KLHL22: variants seen among roughly 807,000 people sequenced by gnomAD.
KLHL22 encodes kelch-like protein 22.
A neutral mutation model predicts 60.7 loss-of-function variants in KLHL22; 18 were observed. That is an observed-to-expected ratio of 0.30 (90% CI 0.20 to 0.44). KLHL22 has a LOEUF of 0.44. Among genes scored for constraint, KLHL22 ranks in the 20% least tolerant of loss-of-function variants. The pLI is 1.00. For synonymous variants in KLHL22, 355 were observed against 354.5 expected (o/e 1.00, Z -0.01); for missense variants, 596 against 852.3 (o/e 0.70, Z 3.74).
intron 1 of KLHL22, among the ~76,000 whole-genome samples, chr22:20,490,021 C>T (rs535589631): frequency 6.6e-6 from 1 of 152,286 alleles, no homozygotes; most frequent in Admixed American, 6.5e-5. Flanking sequence ...GTAAAATGAA[C>T]CTACTGCAAA....
At position 20,446,632 on chromosome 22, in the gene KLHL22, G is replaced by T. The variant is rs762616994; in HGVS notation, c.1350C>A (p.Ile450=). The T allele has an allele frequency of 6.2e-7, 1 of 1,613,312 alleles. No homozygotes were observed. The highest frequency in any genetic ancestry group is 1.1e-5 in the South Asian group (1 of 91,086). Residue 450 remains isoleucine, a synonymous_variant, in exon 6 of 7, where the codon ATC becomes ATA. Transcript: ENST00000328879. ...AGATLEGKMY[I]TCGRRGEDYL... is the part of the protein sequence containing the mutation. ...AATCCTCCCCTCTGCGGCCGCAGGTGATATACATCTTCCCCTCCAGCGTCG... is the reference window on the plus strand; with the variant it reads ...AATCCTCCCCTCTGCGGCCGCAGGTTATATACATCTTCCCCTCCAGCGTCG...
At chr22:20,471,214 G>T in intron 3 of KLHL22, 136 bp downstream of exon 3, 2 of 777,800 alleles carry the variant, frequency 2.6e-6, no homozygotes, top group Non-Finnish European at 4.0e-6. Context: ...CCCACTTCAT[G>T]GCCTTCGTCA....
intron 5 of KLHL22, chr22:20,450,369 T>A: frequency 7.1e-7 from 1 of 1,413,772 alleles, no homozygotes. Context: ...GCCTCTACCA[T>A]GGAAATTTTA....
Position 20,483,679 on chromosome 22 carries a change from T to C in KLHL22, c.227+5306A>G, listed in dbSNP as rs142506402. 7.4e-4 allele frequency: 545 copies of C among 732,776 alleles called. 5 individuals carry two copies. In the African/African-American group the frequency reaches 8.1e-3, roughly 11 times the overall value. 45.4% of individuals were successfully genotyped at this position (732,776 alleles called of 1,614,324 possible). Reference sequence around the variant, plus strand: ...AAAGATACGGGCGTTGTCCACAGTATTTGCAAAGATCTGAGCCCTCAGGTC... The same window carrying C: ...AAAGATACGGGCGTTGTCCACAGTACTTGCAAAGATCTGAGCCCTCAGGTC... On this transcript the variant is annotated intron_variant, in intron 2 of 6. Transcript: ENST00000328879.
At chr22:20,454,651 A>G (rs1316320957) in intron 5 of KLHL22, among the ~76,000 whole-genome samples, 1 of 152,112 alleles carries the variant, frequency 6.6e-6, no homozygotes, top group Non-Finnish European at 1.5e-5. Flanking sequence ...ACCTTCCTGA[A>G]ATTTTGATAG....
At chr22:20,493,323 G>A in intron 1 of KLHL22, 1 of 441,210 alleles carries the variant, frequency 2.3e-6, no homozygotes, top group Admixed American at 2.6e-5. Flanking sequence ...AGGGGGATAT[G>A]CTGAAAAATG....
intron 5 of KLHL22, chr22:20,451,412 G>T: frequency 6.2e-7 from 1 of 1,609,702 alleles, no homozygotes; most frequent in Non-Finnish European, 8.5e-7. Context: ...CACTGTCTAG[G>T]AGGATATGAC....
chr22:20,476,730 CAG>C (rs1569139920), intron 2 of KLHL22, among the ~76,000 whole-genome samples: 1 of 113,888 alleles, frequency 8.8e-6, no homozygotes, highest in Admixed American at 9.7e-5. Context: ...TTTTTTGTGA[CAG>C]AGTCTCGCTC....
At chr22:20,486,626 C>T (rs2053590809) in intron 2 of KLHL22, among the ~76,000 whole-genome samples, 2 of 151,940 alleles carry the variant, frequency 1.3e-5, no homozygotes, top group Non-Finnish European at 2.9e-5. Flanking sequence ...TAACATTTCA[C>T]AAGTAACTAA....
intron 3 of KLHL22, among the ~76,000 whole-genome samples, chr22:20,469,881 G>T (rs1167030266): frequency 6.6e-6 from 1 of 151,906 alleles, no homozygotes; most frequent in Non-Finnish European, 1.5e-5. Flanking sequence ...GGGAAGAGGT[G>T]ACTGTCAACT....
chr22:20,475,881 G>A (rs921850776), intron 2 of KLHL22, among the ~76,000 whole-genome samples: 10 of 152,090 alleles, frequency 6.6e-5, no homozygotes, highest in Non-Finnish European at 1.2e-4. Context: ...AATTTTTGAG[G>A]CTATCTTTAT....
At chr22:20,492,459 CT>C (rs200685174) in intron 1 of KLHL22, among the ~76,000 whole-genome samples, 2,509 of 152,278 alleles carry the variant, frequency 0.016, 66 homozygotes, top group African/African-American at 0.058. Context: ...CTGTCATCCC[CT>C]GAACACCTTT....
intron 1 of KLHL22, chr22:20,493,344 C>G (rs992074144): frequency 2.1e-5 from 9 of 426,518 alleles, no homozygotes; most frequent in Non-Finnish European, 3.8e-5. Flanking sequence ...AATCAATTCT[C>G]TGCTGGGAAG....
At chr22:20,470,364 A>C (rs1220186755) in intron 3 of KLHL22, among the ~76,000 whole-genome samples, 1 of 151,288 alleles carries the variant, frequency 6.6e-6, no homozygotes, top group Non-Finnish European at 1.5e-5. Flanking sequence ...AAAAAAAAAA[A>C]ATAGGCCAGG....
chr22:20,450,213 C>T, intron 5 of KLHL22: 1 of 811,402 alleles, frequency 1.2e-6, no homozygotes, highest in South Asian at 1.3e-5. Context: ...AAGAGCAATA[C>T]CTTCTGTGAT....
intron 1 of KLHL22, among the ~76,000 whole-genome samples, chr22:20,492,398 C>T (rs1310728244): frequency 6.6e-6 from 1 of 152,116 alleles, no homozygotes; most frequent in Non-Finnish European, 1.5e-5. Flanking sequence ...TGCTCTCCTT[C>T]AAGCCTTACC....
At chr22:20,461,125 TC>T (rs1319319354) in intron 4 of KLHL22, among the ~76,000 whole-genome samples, 1 of 152,246 alleles carries the variant, frequency 6.6e-6, no homozygotes, top group Admixed American at 6.5e-5. Context: ...TTTAAGTCAC[TC>T]CATCTATAGT....
chr22:20,457,681 T>C (rs1156772585), intron 5 of KLHL22, 127 bp downstream of exon 5: 10 of 700,920 alleles, frequency 1.4e-5, no homozygotes, highest in Non-Finnish European at 2.2e-5. Flanking sequence ...TGGAGAAGCA[T>C]GGATTCTGCT....
intron 4 of KLHL22, among the ~76,000 whole-genome samples, chr22:20,459,163 A>T (rs1206407508): frequency 6.6e-6 from 1 of 152,208 alleles, no homozygotes; most frequent in African/African-American, 2.4e-5. Flanking sequence ...CTTTCAGACA[A>T]GTGTTTTTAT....
Sources: gnomAD v4.1 joint callset for allele counts (sites outside exome capture counted in the v4.1 genomes callset) on GRCh38, gnomAD v4.1.1 for gene constraint, MANE v1.5 for transcripts, NCBI Gene and HGNC (gene_info 2026-07-23, HGNC 2026-07-21) for gene names.